The following ADAP2 variants were observed in gnomAD, a reference collection of about 807,000 sequenced individuals.
The protein encoded by ADAP2 is arf-GAP with dual PH domain-containing protein 2.
Under a neutral mutation model 54.9 loss-of-function variants are expected in ADAP2, and 42 were observed. The ratio of observed to expected loss-of-function variants is 0.77; its 90% CI spans 0.60 to 0.99. ADAP2 has a LOEUF of 0.99. Among genes scored for constraint, ADAP2 ranks in the 50% least tolerant of loss-of-function variants. ADAP2 has a pLI of 0.00. For missense variants in ADAP2, 429 were observed against 480.4 expected, an observed-to-expected ratio of 0.89 and a Z score of 1.00; for synonymous variants, 177 against 180.1, an observed-to-expected ratio of 0.98 and a Z score of 0.14.
chr17:30,947,362 G>T (rs1912750341), intron 6 of ADAP2, among the ~76,000 whole-genome samples: 1 of 151,130 alleles, frequency 6.6e-6, no homozygotes, highest in East Asian at 1.9e-4. Context: ...GAGACCTAAG[G>T]TTTTTTTTTG....
chr17:30,924,504 G>T (rs903237766), intron 2 of ADAP2, among the ~76,000 whole-genome samples: 4 of 152,182 alleles, frequency 2.6e-5, no homozygotes, highest in Admixed American at 6.5e-5. Context: ...CTGCCCTCTG[G>T]GGGTGGAGGA....
intron 3 of ADAP2, among the ~76,000 whole-genome samples, chr17:30,929,393 TCGCTGCTGC>T (rs1308588852): frequency 3.3e-5 from 5 of 152,328 alleles, no homozygotes; most frequent in Middle Eastern, 3.4e-3. Context: ...TCATCCTGGC[TCGCTGCTGC>T]CACTCTGTCC....
intron 4 of ADAP2, 92 bp from the exon 5 acceptor site, chr17:30,934,093 C>T: frequency 3.4e-6 from 3 of 888,362 alleles, no homozygotes; most frequent in East Asian, 5.1e-5. Flanking sequence ...AGATGGAAGG[C>T]TTATTCCACC....
At chr17:30,951,012 C>T (rs958023060) in intron 7 of ADAP2, among the ~76,000 whole-genome samples, 3 of 152,216 alleles carry the variant, frequency 2.0e-5, no homozygotes, top group Non-Finnish European at 4.4e-5. Context: ...CGTGTCTTTC[C>T]TCCCATTTAA....
intron 3 of ADAP2, among the ~76,000 whole-genome samples, chr17:30,928,217 C>T (rs1463260746): frequency 6.8e-6 from 1 of 146,126 alleles, no homozygotes; most frequent in Non-Finnish European, 1.5e-5. Context: ...AAAAAAAGGC[C>T]GGATGTGGCG....
At chr17:30,951,780 C>T (rs1195948876) in intron 7 of ADAP2, among the ~76,000 whole-genome samples, 3 of 151,666 alleles carry the variant, frequency 2.0e-5, no homozygotes, top group African/African-American at 4.8e-5. Context: ...CTCAGCCTCC[C>T]GAGTAGCTGG....
At chr17:30,943,336 G>C (rs1301416082) in intron 5 of ADAP2, among the ~76,000 whole-genome samples, 7 of 151,316 alleles carry the variant, frequency 4.6e-5, no homozygotes, top group Admixed American at 2.0e-4. Flanking sequence ...TTGTACTCCA[G>C]CCTGGGCAAC....
chr17:30,943,884 T>TAAATAAAG (rs1555568310), intron 5 of ADAP2, among the ~76,000 whole-genome samples: 1 of 144,050 alleles, frequency 6.9e-6, no homozygotes, highest in East Asian at 2.0e-4. Flanking sequence ...AATAAATAAA[T>TAAATAAAG]AAATAAATAA....
intron 4 of ADAP2, 68 bp downstream of exon 4, chr17:30,932,036 A>G: frequency 6.9e-7 from 1 of 1,448,614 alleles, no homozygotes; most frequent in East Asian, 2.3e-5. Context: ...AAGTGCCTAA[A>G]TATTAGGAGC....
Position 30,957,963 on chromosome 17 carries a change from C to T in ADAP2, c.*94C>T, listed in dbSNP as rs1214837788. ...GCCCTGGCTGCCCACCATCAGTGCC[C>T]CGCAGTCAGCAGCCATTCCTGGCAG... On this transcript the variant is annotated 3_prime_UTR_variant, in exon 11 of 11. Transcript: ENST00000330889. 8.4e-7 allele frequency: 1 copy of T among 1,190,520 alleles called. No individual in the cohort carries two copies. The highest frequency in any genetic ancestry group is 1.2e-6 in the Non-Finnish European group (1 of 814,534). The allele number at this position is 1,190,520 out of a possible 1,614,324, so 73.7% of individuals were successfully genotyped here. A position where few individuals can be genotyped will look rare whatever the true frequency, so the allele number is the denominator to read the frequency against.
intron 8 of ADAP2, among the ~76,000 whole-genome samples, chr17:30,954,032 CA>C (rs1904877406): frequency 1.3e-5 from 2 of 152,270 alleles, no homozygotes; most frequent in South Asian, 4.1e-4. Context: ...GTGGAAAAAG[CA>C]GTCAAAGGGT....
chr17:30,926,722 T>G lies in ADAP2; in HGVS notation c.226-105T>G, dbSNP rs573305509. The G allele has an allele frequency of 1.1e-4, 107 of 977,386 alleles. No homozygotes were observed. The African/African-American group carries it at 1.6e-3, about 14-fold the overall frequency. 60.5% of individuals were successfully genotyped at this position (977,386 alleles called of 1,614,324 possible). On this transcript the variant is annotated intron_variant, in intron 2 of 10. Coordinates refer to ENST00000330889, the MANE Select transcript of ADAP2 (RefSeq NM_018404.3). ...GACCAAGCCCGGTGGGACATCTCCT[T>G]CTTGGAGGCAGTTTCTTCTGACTCA...
intron 5 of ADAP2, among the ~76,000 whole-genome samples, chr17:30,944,304 T>C (rs186457429): frequency 6.6e-6 from 1 of 151,952 alleles, no homozygotes. Context: ...TTCTAACATA[T>C]AAATGGAAGC....
intron 5 of ADAP2, among the ~76,000 whole-genome samples, chr17:30,940,563 T>C (rs1191174895): frequency 2.0e-5 from 3 of 152,010 alleles, no homozygotes; most frequent in Non-Finnish European, 2.9e-5. Context: ...CCTTGGTCTC[T>C]GAAAGTGCTG....
intron 4 of ADAP2, among the ~76,000 whole-genome samples, chr17:30,932,546 G>T (rs1329690632): frequency 1.3e-5 from 2 of 150,334 alleles, no homozygotes; most frequent in Non-Finnish European, 3.0e-5. Context: ...GAGCCACTGT[G>T]CCCAGCCAGA....
At chr17:30,954,392 C>T in intron 8 of ADAP2, 86 bp from the exon 9 acceptor site, 6 of 1,164,170 alleles carry the variant, frequency 5.2e-6, no homozygotes, top group Non-Finnish European at 7.7e-6. Flanking sequence ...CTGGCCAGCT[C>T]CTTTGGTTTG....
intron 6 of ADAP2, among the ~76,000 whole-genome samples, chr17:30,945,547 T>A (rs922531731): frequency 4.6e-5 from 7 of 150,940 alleles, no homozygotes; most frequent in Admixed American, 3.3e-4. Context: ...AACCCAGGAG[T>A]TCGAGACCAG....
intron 4 of ADAP2, among the ~76,000 whole-genome samples, chr17:30,933,408 A>T (rs2142527576): frequency 6.6e-6 from 1 of 152,128 alleles, no homozygotes; most frequent in South Asian, 2.1e-4. Context: ...GGCTGATCTC[A>T]AACTCCTGAC....
At chr17:30,931,841 A>AT (rs1290578385) in intron 3 of ADAP2, 48 bp from the exon 4 acceptor site, 1 of 1,466,084 alleles carries the variant, frequency 6.8e-7, no homozygotes, top group Non-Finnish European at 9.4e-7. Flanking sequence ...AAAAAAAAAA[A>AT]AAAGAGAATG....
Sources: gnomAD v4.1 joint callset for allele counts (sites outside exome capture counted in the v4.1 genomes callset) on GRCh38, gnomAD v4.1.1 for gene constraint, MANE v1.5 for transcripts, NCBI Gene and HGNC (gene_info 2026-07-23, HGNC 2026-07-21) for gene names.